Variants in OCA2 observed in about 807,000 individuals in gnomAD.
OCA2 encodes OCA2 melanosomal transmembrane protein.
OCA2 carries 77 observed loss-of-function variants against 100.2 expected under a neutral mutation model. That is an observed-to-expected ratio of 0.77 (90% CI 0.64 to 0.93). OCA2 has a LOEUF of 0.93. Ranked by LOEUF, OCA2 falls within the 40% of genes least tolerant of loss-of-function variation. OCA2 has a pLI of 0.00. For missense variants in OCA2, 1,062 were observed against 1,089.1 expected (o/e 0.98, Z 0.35); for synonymous variants, 432 against 439.2 (o/e 0.98, Z 0.21).
chr15:27,952,205 C>T (rs371415871), intron 17 of OCA2, among the ~76,000 whole-genome samples: 24 of 152,346 alleles, frequency 1.6e-4, no homozygotes, highest in African/African-American at 4.6e-4. Flanking sequence ...CTTCACTGTT[C>T]CTTTCTCTAC....
chr15:27,884,077 G>A (rs2037128466), intron 19 of OCA2, among the ~76,000 whole-genome samples: 1 of 152,170 alleles, frequency 6.6e-6, no homozygotes, highest in South Asian at 2.1e-4. Flanking sequence ...CATCGTTACT[G>A]CAAACATTTA....
chr15:27,910,047 G>C (rs13329141), intron 19 of OCA2, among the ~76,000 whole-genome samples: 88,030 of 151,926 alleles, frequency 0.58, 26,750 homozygotes, highest in East Asian at 0.96. Flanking sequence ...ACAGGACACT[G>C]ACATGAATGC....
chr15:27,870,478 C>T (rs2036502729), intron 21 of OCA2, among the ~76,000 whole-genome samples: 1 of 152,208 alleles, frequency 6.6e-6, no homozygotes, highest in Non-Finnish European at 1.5e-5. Context: ...CAGGAACAGG[C>T]TCATCTGCCC....
chr15:27,820,251 C>T (rs777444262), intron 23 of OCA2, among the ~76,000 whole-genome samples: 10 of 152,204 alleles, frequency 6.6e-5, no homozygotes, highest in Non-Finnish European at 1.0e-4. Flanking sequence ...GCTCCCTACC[C>T]GTTAAGTGTT....
intron 23 of OCA2, among the ~76,000 whole-genome samples, chr15:27,800,530 T>C (rs1348772919): frequency 6.6e-6 from 1 of 152,076 alleles, no homozygotes; most frequent in Non-Finnish European, 1.5e-5. Context: ...ATACAGATAT[T>C]AAAAGGATAA....
At chr15:27,830,675 G>A (rs1484537747) in intron 23 of OCA2, among the ~76,000 whole-genome samples, 1 of 152,166 alleles carries the variant, frequency 6.6e-6, no homozygotes, top group African/African-American at 2.4e-5. Context: ...TATATCAACT[G>A]AGAGGGGAGA....
intron 19 of OCA2, among the ~76,000 whole-genome samples, chr15:27,922,971 C>T (rs921089846): frequency 6.6e-6 from 1 of 152,156 alleles, no homozygotes; most frequent in African/African-American, 2.4e-5. Flanking sequence ...TCCCACCTTT[C>T]ATCCTCCAGT....
chr15:27,990,802 C>T (rs1224612175), intron 9 of OCA2, among the ~76,000 whole-genome samples, 155 bp from the exon 10 acceptor site: 1 of 152,198 alleles, frequency 6.6e-6, no homozygotes, highest in Non-Finnish European at 1.5e-5. Flanking sequence ...GGCCTGGACA[C>T]CCCACAGACA....
At chr15:27,807,141 G>A (rs2033890150) in intron 23 of OCA2, among the ~76,000 whole-genome samples, 1 of 152,128 alleles carries the variant, frequency 6.6e-6, no homozygotes, top group South Asian at 2.1e-4. Flanking sequence ...GGGCAGCCTG[G>A]GTGATGCTTA....
At chr15:28,041,986 A>T (rs1022551264) in intron 2 of OCA2, among the ~76,000 whole-genome samples, 4 of 152,232 alleles carry the variant, frequency 2.6e-5, no homozygotes, top group African/African-American at 9.6e-5. Flanking sequence ...TTCCAGAGAG[A>T]AGTCTCCATG....
At chr15:27,771,486 G>A (rs964145977) in intron 23 of OCA2, among the ~76,000 whole-genome samples, 2 of 152,246 alleles carry the variant, frequency 1.3e-5, no homozygotes, top group Non-Finnish European at 2.9e-5. Context: ...GCCCAGCTGG[G>A]GGGTGCTCCG....
In OCA2 at chr15:27,926,132, T is replaced by A. The variant is rs1225147656; in HGVS notation, c.2074A>T (p.Met692Leu). 2 of 1,614,000 alleles carry A rather than the reference T, an allele frequency of 1.2e-6. No homozygotes were observed. Among genetic ancestry groups the A allele is most frequent in the African/African-American group, 2.7e-5 (2 of 74,920 alleles). ...LLFFAALFVLMEALAHLHLIE... is the reference protein window; with the variant it reads ...LLFFAALFVLLEALAHLHLIE... Reference sequence around the variant, plus strand: ...CAAAAGTTCTAAAATCTTACCTCCATCAGAACAAAGAGCGCTGCAAAAAAC... The same window carrying A: ...CAAAAGTTCTAAAATCTTACCTCCAACAGAACAAAGAGCGCTGCAAAAAAC... Residue 692 changes from methionine (M) to leucine (L), a missense_variant, in exon 19 of 24, where the codon ATG becomes TTG. Coordinates refer to ENST00000354638, the MANE Select transcript of OCA2 (RefSeq NM_000275.3).
chr15:27,752,495 G>A (rs1457549402), downstream of OCA2, among the ~76,000 whole-genome samples: 1 of 152,168 alleles, frequency 6.6e-6, no homozygotes, highest in Admixed American at 6.5e-5. Flanking sequence ...CTTCAGAAGT[G>A]GACTTTTCAT....
chr15:27,722,770 T>TTTTC, the OCA2 span, among the ~76,000 whole-genome samples: 1 of 82,878 alleles, frequency 1.2e-5, no homozygotes, highest in African/African-American at 4.4e-5. Flanking sequence ...CCTTTCTTTC[T>TTTTC]TTTCTTTCTT....
chr15:28,065,822 T>A (rs1365934137), intron 2 of OCA2, among the ~76,000 whole-genome samples: 1 of 152,200 alleles, frequency 6.6e-6, no homozygotes, highest in Non-Finnish European at 1.5e-5. Flanking sequence ...TGTTGTTCAA[T>A]TATAAATCTT....
At chr15:27,851,565 C>A in intron 21 of OCA2, 90 bp from the exon 22 acceptor site, 1 of 1,012,592 alleles carries the variant, frequency 9.9e-7, no homozygotes, top group South Asian at 1.4e-5. Flanking sequence ...CAAATGCTTT[C>A]TCAGCATTCA....
At chr15:27,979,868 G>GT (rs35266057) in intron 14 of OCA2, among the ~76,000 whole-genome samples, 9,383 of 107,972 alleles carry the variant, frequency 0.087, 526 homozygotes, top group African/African-American at 0.17. Flanking sequence ...CCCAGCTAGT[G>GT]TTTTTTTTTT....
chr15:27,832,830 A>ATTT (rs112415796), intron 23 of OCA2, among the ~76,000 whole-genome samples: 20,414 of 135,602 alleles, frequency 0.15, 3,019 homozygotes, highest in African/African-American at 0.37. Flanking sequence ...TAAATATCTG[A>ATTT]TTTTTTTTTT....
chr15:27,991,511 C>T (rs182506937), intron 9 of OCA2, among the ~76,000 whole-genome samples: 17 of 152,206 alleles, frequency 1.1e-4, no homozygotes, highest in Non-Finnish European at 2.5e-4. Flanking sequence ...ATGAACTTTC[C>T]AGAAAAAGTA....
Sources: allele counts gnomAD v4.1 joint callset (sites outside exome capture counted in the v4.1 genomes callset), GRCh38; gene constraint gnomAD v4.1.1; transcripts MANE v1.5; gene names NCBI Gene and HGNC (gene_info 2026-07-23, HGNC 2026-07-21).